Variants in PLCE1 observed in about 807,000 individuals in gnomAD.
PLCE1 encodes phospholipase C epsilon 1.
A neutral mutation model predicts 242.8 loss-of-function variants in PLCE1; 119 were observed. The observed-to-expected ratio is 0.49, with a 90% CI of 0.42 to 0.57. The LOEUF is 0.57. PLCE1 is among the 20% of genes least tolerant of loss of function. PLCE1 has a pLI of 0.00. For missense variants in PLCE1, 2,441 were observed against 2,788.8 expected, an observed-to-expected ratio of 0.88 and a Z score of 2.81; for synonymous variants, 945 against 1,017.4, an observed-to-expected ratio of 0.93 and a Z score of 1.35.
chr10:94,068,280 C>A (rs1383938055), intron 2 of PLCE1, among the ~76,000 whole-genome samples: 2 of 152,176 alleles, frequency 1.3e-5, no homozygotes, highest in Admixed American at 1.3e-4. Flanking sequence ...CTGCTTCTTT[C>A]GTGCTCCCAT....
rs747241199 is a variant in PLCE1 at position 94,234,081 on chromosome 10, G to A, written c.1983G>A (p.Gln661=). 2 of 1,613,756 alleles carry A rather than the reference G, an allele frequency of 1.2e-6. No homozygotes were observed. Among genetic ancestry groups the A allele is most frequent in the Non-Finnish European group, 1.7e-6 (2 of 1,179,776 alleles). The change falls in exon 6 of 33, where the codon CAG becomes CAA. Residue 661 remains glutamine (Q), a synonymous_variant. Transcript: ENST00000371380. ...LRSRKVLKMW[Q]FMDQSDIETM... is the part of the protein sequence containing the mutation. ...CAAGAAAAGTTTTAAAAATGTGGCAGTTCATGGACCAGTCTGATATTGAGA... is the reference window on the plus strand; with the variant it reads ...CAAGAAAAGTTTTAAAAATGTGGCAATTCATGGACCAGTCTGATATTGAGA...
intron 24 of PLCE1, among the ~76,000 whole-genome samples, chr10:94,301,361 G>C (rs377567935): frequency 6.6e-6 from 1 of 151,652 alleles, no homozygotes; most frequent in East Asian, 1.9e-4. Flanking sequence ...AAAAGAAAAA[G>C]AAAATTATAT....
At chr10:94,225,305 T>C (rs1378445231) in intron 4 of PLCE1, 1 of 152,228 alleles carries the variant, frequency 6.6e-6, no homozygotes, top group Non-Finnish European at 1.5e-5. Context: ...TCTCCTTTTA[T>C]TCCTGCTCTG....
chr10:94,098,161 G>A (rs1248738500), intron 2 of PLCE1, among the ~76,000 whole-genome samples: 3 of 152,174 alleles, frequency 2.0e-5, no homozygotes, highest in Non-Finnish European at 4.4e-5. Context: ...GAACTCTCGT[G>A]GAAGACAAGT....
At chr10:94,301,800 A>G (rs545959814) in intron 24 of PLCE1, among the ~76,000 whole-genome samples, 147 of 152,236 alleles carry the variant, frequency 9.7e-4, no homozygotes, top group Non-Finnish European at 1.9e-3. Context: ...TCTGAGGCAG[A>G]ACAATACCGC....
chr10:94,236,375 C>A (rs1361334086), intron 7 of PLCE1, among the ~76,000 whole-genome samples: 3 of 151,310 alleles, frequency 2.0e-5, no homozygotes, highest in South Asian at 2.1e-4. Context: ...AAAAAAAAAA[C>A]AAAAACCTAG....
At chr10:94,130,935 C>T (rs74151058) in intron 2 of PLCE1, among the ~76,000 whole-genome samples, 6,693 of 152,266 alleles carry the variant, frequency 0.044, 472 homozygotes, top group African/African-American at 0.14. Context: ...GTCAGTGTCA[C>T]CGAAGGAGGT....
intron 24 of PLCE1, among the ~76,000 whole-genome samples, chr10:94,303,595 A>C (rs2053108417): frequency 6.6e-6 from 1 of 152,216 alleles, no homozygotes; most frequent in African/African-American, 2.4e-5. Context: ...AAGGAAAAGC[A>C]TGTTTTTCTG....
chr10:94,160,381 ATTT>A (rs1471546153), intron 3 of PLCE1, among the ~76,000 whole-genome samples: 2 of 152,048 alleles, frequency 1.3e-5, no homozygotes, highest in African/African-American at 4.8e-5. Context: ...GATGATGAGC[ATTT>A]TTTCATGTGT....
In PLCE1 at chr10:94,254,312, A is replaced by G. The variant is rs1000534317; in HGVS notation, c.3397+5A>G. The G allele has an allele frequency of 5.7e-6, 9 of 1,582,154 alleles. No individual in the cohort carries two copies. Among genetic ancestry groups the G allele is most frequent in the Non-Finnish European group, 7.8e-6 (9 of 1,150,940 alleles). On this transcript the variant is annotated splice_donor_5th_base_variant and intron_variant, in intron 10 of 32. Coordinates refer to ENST00000371380, the MANE Select transcript of PLCE1 (RefSeq NM_016341.4). ...TTAATGAACAAGAAGAATCAGGTAA[A>G]GCGGCATGTTTACATCTGAGATTTT...
Position 94,088,742 on chromosome 10 carries a change from T to TAGA in PLCE1, c.1207-43431_1207-43430insGAA, listed in dbSNP as rs1402437933. On this transcript the variant is annotated intron_variant, in intron 2 of 32. Coordinates refer to ENST00000371380, the MANE Select transcript of PLCE1 (RefSeq NM_016341.4). ...TGATACTGGGTTCTTTGCACATGTA[T>TAGA]ACACTTTGGGTTCTATTTGCTACCC... Among the ~76,000 whole-genome samples the TAGA allele has an allele frequency of 2.9e-4, 44 of 152,350 alleles. No homozygotes were observed. The East Asian group carries it at 6.4e-3, about 22-fold the overall frequency.
In PLCE1 at chr10:94,258,900, G is replaced by A; in HGVS notation, c.3655G>A (p.Val1219Ile). The A allele has an allele frequency of 1.9e-6, 3 of 1,614,086 alleles. No homozygotes were observed. Among genetic ancestry groups the A allele is most frequent in the Non-Finnish European group, 2.5e-6 (3 of 1,179,968 alleles). Reference protein sequence around the residue: ...SDSNMSFVEFVELFKSFSVRS... With the variant: ...SDSNMSFVEFIELFKSFSVRS... ...TAGCAACATGAGTTTTGTTGAATTTGTTGAGCTGTTCAAATCATTCAGGTA... is the reference window on the plus strand; with the variant it reads ...TAGCAACATGAGTTTTGTTGAATTTATTGAGCTGTTCAAATCATTCAGGTA... Residue 1219 changes from valine (V) to isoleucine (I), a missense_variant, in exon 12 of 33, where the codon GTT (valine) becomes ATT (isoleucine). Transcript: ENST00000371380.
At chr10:94,123,605 A>G (rs2046358808) in intron 2 of PLCE1, among the ~76,000 whole-genome samples, 1 of 152,160 alleles carries the variant, frequency 6.6e-6, no homozygotes, top group South Asian at 2.1e-4. Context: ...CCCCTCCAAC[A>G]GCCTCACTGT....
intron 2 of PLCE1, among the ~76,000 whole-genome samples, chr10:94,034,765 T>A (rs1458094416): frequency 6.6e-6 from 1 of 152,168 alleles, no homozygotes; most frequent in Non-Finnish European, 1.5e-5. Flanking sequence ...ATGAATATTT[T>A]TTTCAAAGTT....
At chr10:94,230,109 T>C (rs575308227) in intron 5 of PLCE1, among the ~76,000 whole-genome samples, 2 of 152,326 alleles carry the variant, frequency 1.3e-5, no homozygotes, top group East Asian at 3.9e-4. Flanking sequence ...TTGGTTTTTT[T>C]ATGGACATTG....
At chr10:94,263,978 C>T (rs1384293932) in intron 14 of PLCE1, among the ~76,000 whole-genome samples, 2 of 152,102 alleles carry the variant, frequency 1.3e-5, no homozygotes, top group Admixed American at 1.3e-4. Flanking sequence ...ATTAAATGAA[C>T]ATGCACTAGT....
Position 94,328,002 on chromosome 10 carries a change from C to A in PLCE1, c.*59C>A, listed in dbSNP as rs1008001465. 7 of 531,646 alleles carry A rather than the reference C, an allele frequency of 1.3e-5. No homozygotes were observed. The highest frequency in any genetic ancestry group is 2.7e-5 in the Non-Finnish European group (7 of 259,150). 32.9% of individuals were successfully genotyped at this position (531,646 alleles called of 1,614,324 possible). A position where few individuals can be genotyped will look rare whatever the true frequency, so the allele number is the denominator to read the frequency against. ...TTTAAGCAAGAAGTTAAAGAGTGAACATGGTGGAAAAAATATAATTATTTT... is the reference window on the plus strand; with the variant it reads ...TTTAAGCAAGAAGTTAAAGAGTGAAAATGGTGGAAAAAATATAATTATTTT... On this transcript the variant is annotated 3_prime_UTR_variant, in exon 33 of 33. Transcript: ENST00000371380.
At chr10:94,327,550 T>C (rs2054073341) in intron 32 of PLCE1, among the ~76,000 whole-genome samples, 1 of 152,134 alleles carries the variant, frequency 6.6e-6, no homozygotes, top group Non-Finnish European at 1.5e-5. Context: ...AAAAGAAAGT[T>C]AGTTTAGTAT....
At chr10:94,164,865 C>G (rs2047738956) in intron 3 of PLCE1, among the ~76,000 whole-genome samples, 1 of 152,218 alleles carries the variant, frequency 6.6e-6, no homozygotes, top group Admixed American at 6.5e-5. Context: ...TCAGGACCCT[C>G]AGCTGCAGGT....
Sources: allele counts gnomAD v4.1 joint callset (sites outside exome capture counted in the v4.1 genomes callset), GRCh38; gene constraint gnomAD v4.1.1; transcripts MANE v1.5; gene names NCBI Gene and HGNC (gene_info 2026-07-23, HGNC 2026-07-21).